NRXN2: variants seen among roughly 807,000 people sequenced by gnomAD.
The protein encoded by NRXN2 is neurexin 2.
Under a neutral mutation model 128.8 loss-of-function variants are expected in NRXN2, and 29 were observed. The observed-to-expected ratio is 0.23, with a 90% CI of 0.17 to 0.31. The LOEUF (loss-of-function observed/expected upper bound fraction) is 0.31, where lower values mean the gene tolerates loss of function less well. NRXN2 is among the 10% of genes least tolerant of loss of function. NRXN2 has a pLI of 1.00. For synonymous variants in NRXN2, 1,098 were observed against 1,075.2 expected, an observed-to-expected ratio of 1.02 and a Z score of -0.41; for missense variants, 1,881 against 2,452.6, an observed-to-expected ratio of 0.77 and a Z score of 4.92.
intron 6 of NRXN2, among the ~76,000 whole-genome samples, chr11:64,679,068 T>C (rs2051772435): frequency 2.0e-5 from 3 of 152,200 alleles, no homozygotes; most frequent in Non-Finnish European, 4.4e-5. Context: ...GGATTAGTAC[T>C]GGTGGCTGGT....
At chr11:64,661,505 G>T (rs924157175) in intron 9 of NRXN2, 3 of 719,836 alleles carry the variant, frequency 4.2e-6, no homozygotes, top group Non-Finnish European at 5.6e-6. Flanking sequence ...ATTCCTGCCA[G>T]CCAGTTCCTT....
intron 2 of NRXN2, among the ~76,000 whole-genome samples, chr11:64,710,584 G>A (rs1427559283): frequency 6.6e-6 from 1 of 152,132 alleles, no homozygotes; most frequent in African/African-American, 2.4e-5. Flanking sequence ...CTAACCTCCC[G>A]TAGCTCGAGC....
At chr11:64,627,112 C>T (rs970713158) in intron 19 of NRXN2, among the ~76,000 whole-genome samples, 1 of 152,070 alleles carries the variant, frequency 6.6e-6, no homozygotes, top group African/African-American at 2.4e-5. Flanking sequence ...CTCCCTTTGC[C>T]TTCGTGCTCC....
At chr11:64,674,415 C>A (rs1211566233) in intron 7 of NRXN2, among the ~76,000 whole-genome samples, 1 of 152,134 alleles carries the variant, frequency 6.6e-6, no homozygotes, top group African/African-American at 2.4e-5. Context: ...TGGCCTTGAA[C>A]TCCTGGACTC....
At position 64,643,298 on chromosome 11, in the gene NRXN2, G is replaced by A. The variant is rs1014951650; in HGVS notation, c.3403+4921C>T. The A allele has an allele frequency of 5.1e-6, 5 of 977,738 alleles. No individual in the cohort carries two copies. The African/African-American group carries it at 9.2e-5, about 18-fold the overall frequency. The allele number at this position is 977,738 out of a possible 1,614,324, so 60.6% of individuals were successfully genotyped here. A position where few individuals can be genotyped will look rare whatever the true frequency, so the allele number is the denominator to read the frequency against. On this transcript the variant is annotated intron_variant, in intron 17 of 22. Transcript: ENST00000265459. Reference sequence around the variant, plus strand: ...CGGGAGACCGACGGCGACTGGGGCCGGCCGCGCCGCTGCTGCCGCTGCCGC... The same window carrying A: ...CGGGAGACCGACGGCGACTGGGGCCAGCCGCGCCGCTGCTGCCGCTGCCGC...
chr11:64,662,129 A>G, intron 9 of NRXN2, among the ~76,000 whole-genome samples: 1 of 151,738 alleles, frequency 6.6e-6, no homozygotes, highest in Non-Finnish European at 1.5e-5. Flanking sequence ...GTGTTGGCAC[A>G]AACCTGTAGT....
In NRXN2 at chr11:64,635,509, C is replaced by A; in HGVS notation, c.3404-57G>T. On this transcript the variant is annotated intron_variant, in intron 17 of 22. Transcript: ENST00000265459. The surrounding 1 kb of genome is among the most constrained non-coding windows in gnomAD (Gnocchi z 4.8). ...AATGACATCAGGAGGACGAGGTCAG[C>A]AGGTCCTCAGGGTTGTGACCAGAGG... 1 of 1,581,164 alleles carries A rather than the reference C, an allele frequency of 6.3e-7. No individual in the cohort carries two copies. Among genetic ancestry groups the A allele is most frequent in the African/African-American group, 1.3e-5 (1 of 74,448 alleles).
intron 2 of NRXN2, among the ~76,000 whole-genome samples, chr11:64,701,760 C>T (rs981464133): frequency 2.6e-5 from 4 of 152,204 alleles, no homozygotes; most frequent in Admixed American, 6.5e-5. Context: ...AAATAAGCCC[C>T]GTCCGGGGGG....
chr11:64,651,631 T>A lies in NRXN2; in HGVS notation c.2542A>T (p.Met848Leu). Residue 848 changes from methionine to leucine, a missense_variant, in exon 14 of 23, where the codon ATG (methionine) becomes TTG (leucine). By Grantham distance (15) the Met-to-Leu change is conservative. Around this residue, in one of 7 missense-constraint regions of NRXN2, gnomAD observed 997 missense variants for 1,240.8 expected, o/e 0.80. Coordinates refer to ENST00000265459, the MANE Select transcript of NRXN2 (RefSeq NM_015080.4). This position sits in a 1 kb window ranked among gnomAD's most constrained non-coding sequence, Gnocchi z 5.9. ...SVDNVTVEGQ[M>L]AGAHMRLEFH... ...TCCAGCCGCATATGGGCTCCTGCCA[T>A]CTGTCCTGCTCAGGACAGGAGACCA... The A allele has an allele frequency of 1.2e-6, 2 of 1,613,812 alleles. No homozygotes were observed. The highest frequency in any genetic ancestry group is 2.2e-5 in the East Asian group (1 of 44,856).
intron 2 of NRXN2, among the ~76,000 whole-genome samples, chr11:64,709,190 CAAAAAAAAAAA>C (rs112450142): frequency 9.6e-5 from 8 of 83,452 alleles, no homozygotes; most frequent in Admixed American, 5.0e-4. Context: ...GACTCCATCT[CAAAAAAAAAAA>C]AAAAAAAAAA....
intron 9 of NRXN2, among the ~76,000 whole-genome samples, chr11:64,666,785 G>C (rs545949422): frequency 1.3e-5 from 2 of 151,750 alleles, no homozygotes; most frequent in East Asian, 2.0e-4. Flanking sequence ...GGATGGTCTC[G>C]ATCTCCTGAC....
rs529109405 is a variant in NRXN2 at position 64,649,112 on chromosome 11, C to G, written c.3110-205G>C. On this transcript the variant is annotated intron_variant, in intron 15 of 22. Transcript: ENST00000265459. Reference sequence around the variant, plus strand: ...TTCTCCACTTTGCCATCTGCCTGCTCCCCTCCCAGAGAAGCCCAGATGCCT... The same window carrying G: ...TTCTCCACTTTGCCATCTGCCTGCTGCCCTCCCAGAGAAGCCCAGATGCCT... 9.2e-5 allele frequency among the ~76,000 whole-genome samples: 14 copies of G among 152,326 alleles called. No individual in the cohort carries two copies. In the South Asian group the frequency reaches 2.9e-3, roughly 32 times the overall value.
Position 64,623,685 on chromosome 11 carries a change from G to C in NRXN2, c.3848-607C>G, listed in dbSNP as rs2360873. On this transcript the variant is annotated intron_variant, in intron 20 of 22. Transcript: ENST00000265459. The surrounding 1 kb of genome is among the most constrained non-coding windows in gnomAD (Gnocchi z 4.9). ...CCTCCCACCTACAACCAGGCCTTCT[G>C]ACCCCTGGCCAGGATCCCCTCTCTT... 0.5 allele frequency: 77,271 copies of C among 155,520 alleles called. 23,730 individuals carry two copies. Among genetic ancestry groups the C allele is most frequent in the Non-Finnish European group, 0.7 (48,752 of 70,084 alleles). 9.6% of individuals were successfully genotyped at this position (155,520 alleles called of 1,614,324 possible).
rs1396907125 is a variant in NRXN2 at position 64,606,386 on chromosome 11, C to T, written c.*810G>A. On this transcript the variant is annotated 3_prime_UTR_variant, in exon 23 of 23. Coordinates refer to ENST00000265459, the MANE Select transcript of NRXN2 (RefSeq NM_015080.4). ...CCAGCGGGTGCCACAGGCTGCTGCT[C>T]GTGGAATCTAGAGTATTTGTCTGTA... 1 of 152,460 alleles carries T rather than the reference C, an allele frequency of 6.6e-6. No individual in the cohort carries two copies. Among genetic ancestry groups the T allele is most frequent in the African/African-American group, 2.4e-5 (1 of 41,466 alleles). The allele number at this position is 152,460 out of a possible 1,614,324, so 9.4% of individuals were successfully genotyped here.
intron 3 of NRXN2, among the ~76,000 whole-genome samples, chr11:64,696,540 C>CACACAG (rs2054566761): frequency 1.3e-5 from 2 of 149,892 alleles, no homozygotes; most frequent in African/African-American, 4.9e-5. Context: ...CACACACACA[C>CACACAG]ACACACACAC....
Position 64,642,078 on chromosome 11 carries a change from G to A in NRXN2, c.3403+6141C>T, listed in dbSNP as rs368788104. 3.9e-5 allele frequency among the ~76,000 whole-genome samples: 6 copies of A among 151,906 alleles called. No homozygotes were observed. The East Asian group carries it at 5.8e-4, about 15-fold the overall frequency. On this transcript the variant is annotated intron_variant, in intron 17 of 22. Transcript: ENST00000265459. The stretch of plus-strand genomic sequence containing the variant: ...CAGAGGTGGGAGAGAGGTGAAGGGG[G>A]AGAGATGACAGACCAGCGATGGAAG...
rs1260927526 is a variant in NRXN2, at chr11:64,642,767, G to A, written c.3403+5452C>T. 2.5e-6 allele frequency: 3 copies of A among 1,210,276 alleles called. No individual in the cohort carries two copies. In the East Asian group the frequency reaches 1.0e-4, roughly 41 times the overall value. 75.0% of individuals were successfully genotyped at this position (1,210,276 alleles called of 1,614,324 possible). On this transcript the variant is annotated intron_variant, in intron 17 of 22. Transcript: ENST00000265459. ...GGCCCAGCCAGGGCCGGGGGGCGGC[G>A]CGGGCACCCCCCCGGCCCGCTCCCC...
rs1032320258 is a variant in NRXN2 at position 64,632,667 on chromosome 11, C to T, written c.3586-2094G>A. On this transcript the variant is annotated intron_variant, in intron 18 of 22. Transcript: ENST00000265459. The surrounding 1 kb of genome is among the most constrained non-coding windows in gnomAD (Gnocchi z 4.2). Reference sequence around the variant, plus strand: ...CAGGACACCTGGGTTTCCTAGGAGGCAGTCAAGCTCAGGGCCCTGCACTCC... The same window carrying T: ...CAGGACACCTGGGTTTCCTAGGAGGTAGTCAAGCTCAGGGCCCTGCACTCC... Among the ~76,000 whole-genome samples the T allele has an allele frequency of 3.9e-5, 6 of 152,136 alleles. No homozygotes were observed. The highest frequency in any genetic ancestry group is 8.8e-5 in the Non-Finnish European group (6 of 68,020).
rs2135676962 is a variant in NRXN2 at position 64,713,585 on chromosome 11, C to A, written c.115G>T (p.Ala39Ser). ...GCGCCCGCCCAGCGCGCGTAGCGAG[C>A]CCACTGCCCGGGGCCGCCGCCGAAC... ...LEFGGGPGQW[A>S]RYARWAGAAS... is the part of the protein sequence containing the mutation. Residue 39 changes from alanine (A) to serine (S), a missense_variant, in exon 2 of 23, where the codon GCT becomes TCT. By Grantham distance (99) the Ala-to-Ser change is moderately conservative. Coordinates refer to ENST00000265459, the MANE Select transcript of NRXN2 (RefSeq NM_015080.4). 2 of 1,369,898 alleles carry A rather than the reference C, an allele frequency of 1.5e-6. No individual in the cohort carries two copies. The highest frequency in any genetic ancestry group is 3.1e-5 in the Admixed American group (1 of 32,146). 84.9% of individuals were successfully genotyped at this position (1,369,898 alleles called of 1,614,324 possible). A position where few individuals can be genotyped will look rare whatever the true frequency, so the allele number is the denominator to read the frequency against.
Sources: allele counts gnomAD v4.1 joint callset (sites outside exome capture counted in the v4.1 genomes callset), GRCh38; gene constraint gnomAD v4.1.1; regional missense constraint gnomAD v4.1.1; non-coding constraint Gnocchi (gnomAD v3.1); transcripts MANE v1.5; gene names NCBI Gene and HGNC (gene_info 2026-07-23, HGNC 2026-07-21).